Variants in ARHGAP44 observed in about 807,000 individuals in gnomAD.
ARHGAP44 encodes Rho GTPase activating protein 44.
A neutral mutation model predicts 106.8 loss-of-function variants in ARHGAP44; 43 were observed. The ratio of observed to expected loss-of-function variants is 0.40; its 90% confidence interval spans 0.32 to 0.52. The LOEUF (loss-of-function observed/expected upper bound fraction) is 0.52. Among genes scored for constraint, ARHGAP44 ranks in the 20% least tolerant of loss-of-function variants. The pLI, the probability that ARHGAP44 is intolerant of heterozygous loss-of-function variation, is 0.48. For missense variants in ARHGAP44, 866 were observed against 1,050.5 expected, an observed-to-expected ratio of 0.82 and a Z score of 2.43; for synonymous variants, 439 against 410.3, an observed-to-expected ratio of 1.07 and a Z score of -0.85.
chr17:12,983,954 A>G (rs1362669769), intron 19 of ARHGAP44, among the ~76,000 whole-genome samples: 2 of 152,224 alleles, frequency 1.3e-5, no homozygotes, highest in Admixed American at 6.5e-5. Context: ...GAGGCACAGC[A>G]TATAAAGTAA....
chr17:12,952,083 A>G (rs1450959419), intron 12 of ARHGAP44, among the ~76,000 whole-genome samples: 1 of 152,194 alleles, frequency 6.6e-6, no homozygotes. Flanking sequence ...GGACAGTGCA[A>G]GATAGCCGGA....
rs116294237 is a variant in ARHGAP44, at chr17:12,896,289, T to C, written c.94-118T>C. The C allele has an allele frequency of 2.9e-3, 2,220 of 762,108 alleles. 28 individuals are homozygous for C. In the African/African-American group the frequency reaches 0.034, roughly 12 times the overall value. 47.2% of individuals were successfully genotyped at this position (762,108 alleles called of 1,614,324 possible). On this transcript the variant is annotated intron_variant, in intron 2 of 20. Coordinates refer to ENST00000379672, the MANE Select transcript of ARHGAP44 (RefSeq NM_014859.6). ...AAACAAACAAACAAAAAAACAAAGCTGTCTCTCCAGGAGTCCTTGTCTCCA... is the reference window on the plus strand; with the variant it reads ...AAACAAACAAACAAAAAAACAAAGCCGTCTCTCCAGGAGTCCTTGTCTCCA...
chr17:12,915,340 A>C (rs1435633745), intron 4 of ARHGAP44, among the ~76,000 whole-genome samples: 1 of 152,252 alleles, frequency 6.6e-6, no homozygotes, highest in Non-Finnish European at 1.5e-5. Context: ...GGTAGAATTT[A>C]ACATCTTTGA....
At chr17:12,987,865 C>T (rs1373726029) in intron 20 of ARHGAP44, 1 of 152,202 alleles carries the variant, frequency 6.6e-6, no homozygotes, top group Non-Finnish European at 1.5e-5. Context: ...TGGTCTCCTC[C>T]TCCTATAAAG....
At chr17:12,838,575 CAG>C (rs1217711305) in intron 1 of ARHGAP44, among the ~76,000 whole-genome samples, 15 of 152,106 alleles carry the variant, frequency 9.9e-5, no homozygotes, top group Admixed American at 2.0e-4. Flanking sequence ...TGGAGGGAAT[CAG>C]GGGTGACGTT....
intron 18 of ARHGAP44, among the ~76,000 whole-genome samples, chr17:12,976,927 A>T (rs972792639): frequency 6.6e-6 from 1 of 152,142 alleles, no homozygotes; most frequent in African/African-American, 2.4e-5. Flanking sequence ...TCCTTTTTGG[A>T]CACTCCTCAG....
chr17:12,896,271 CAAACAA>C (rs953619508), intron 2 of ARHGAP44, 130 bp from the exon 3 acceptor site: 18 of 681,098 alleles, frequency 2.6e-5, no homozygotes, highest in African/African-American at 6.0e-5. Context: ...AAAAAACAAA[CAAACAA>C]AAAAACAAAG....
At chr17:12,800,840 C>T (rs374211153) in intron 1 of ARHGAP44, among the ~76,000 whole-genome samples, 16 of 152,216 alleles carry the variant, frequency 1.1e-4, no homozygotes, top group African/African-American at 3.8e-4. Flanking sequence ...CTGCTTCTCT[C>T]CCCCTAATCT....
intron 3 of ARHGAP44, among the ~76,000 whole-genome samples, chr17:12,900,042 G>C (rs969688029): frequency 6.6e-6 from 1 of 152,122 alleles, no homozygotes; most frequent in Non-Finnish European, 1.5e-5. Flanking sequence ...ATTGTCTTGT[G>C]GGTACTGAGT....
rs578029851 is a variant in ARHGAP44 at position 12,818,188 on chromosome 17, A to T, written c.53+28297A>T. On this transcript the variant is annotated intron_variant, in intron 1 of 20. Transcript: ENST00000379672. ...CCCAGTAATGTATGGTTGGGCCAAC[A>T]TTCACAAATCACTGTAATTTCTCAT... Among the ~76,000 whole-genome samples, 196 of 152,146 alleles carry T rather than the reference A, an allele frequency of 1.3e-3. 2 individuals carry two copies. Among genetic ancestry groups the T allele is most frequent in the Non-Finnish European group, 3.4e-4 (23 of 67,876 alleles).
At chr17:12,888,495 G>C (rs1015885771) in intron 1 of ARHGAP44, among the ~76,000 whole-genome samples, 1 of 152,060 alleles carries the variant, frequency 6.6e-6, no homozygotes, top group African/African-American at 2.4e-5. Flanking sequence ...GGTTTGTTTT[G>C]TAGTTCCAGA....
intron 1 of ARHGAP44, among the ~76,000 whole-genome samples, chr17:12,828,535 C>T (rs546014128): frequency 8.6e-5 from 13 of 150,688 alleles, no homozygotes; most frequent in Admixed American, 8.0e-4. Flanking sequence ...ATTGAATCAT[C>T]TGGGCATTAC....
At chr17:12,974,023 G>T in intron 17 of ARHGAP44, 66 bp from the exon 18 acceptor site, 1 of 1,482,542 alleles carries the variant, frequency 6.7e-7, no homozygotes, top group Non-Finnish European at 9.2e-7. Context: ...TTGAATGTGG[G>T]GGAGGGAGCC....
Position 12,984,513 on chromosome 17 carries a change from TTG to T in ARHGAP44, c.1940-14_1940-13del. On this transcript the variant is annotated splice_polypyrimidine_tract_variant and intron_variant, in intron 19 of 20. Transcript: ENST00000379672. ...AACAACTTTGTGTTTTGTTGTTGTG[TTG>T]TGTTTTCTCTTTCAGTTTCAAAGAA... 1.3e-6 allele frequency: 2 copies of T among 1,508,924 alleles called. No homozygotes were observed. The highest frequency in any genetic ancestry group is 8.8e-7 in the Non-Finnish European group (1 of 1,134,306). The allele number at this position is 1,508,924 out of a possible 1,614,324, so 93.5% of individuals were successfully genotyped here. A position where few individuals can be genotyped will look rare whatever the true frequency, so the allele number is the denominator to read the frequency against.
intron 1 of ARHGAP44, among the ~76,000 whole-genome samples, chr17:12,845,517 A>AACAAAAC (rs1555546593): frequency 7.0e-6 from 1 of 141,932 alleles, no homozygotes; most frequent in East Asian, 2.1e-4. Flanking sequence ...AAAAAAAAAA[A>AACAAAAC]AAAAACAAAA....
chr17:12,977,867 G>A (rs374737091), intron 18 of ARHGAP44, among the ~76,000 whole-genome samples: 2 of 151,860 alleles, frequency 1.3e-5, no homozygotes, highest in African/African-American at 4.8e-5. Flanking sequence ...GTGAAACCCC[G>A]TCTGTACTAT....
intron 1 of ARHGAP44, among the ~76,000 whole-genome samples, chr17:12,807,375 T>A (rs1035402444): frequency 3.3e-5 from 5 of 152,256 alleles, no homozygotes; most frequent in African/African-American, 1.2e-4. Context: ...GAGGATGTAT[T>A]TGTCTGTTCT....
Position 12,949,537 on chromosome 17 carries a change from TG to T in ARHGAP44, c.974-110del. On this transcript the variant is annotated intron_variant, in intron 11 of 20. Transcript: ENST00000379672. This position sits in a 1 kb window ranked among gnomAD's most constrained non-coding sequence, Gnocchi z 4.1. The stretch of plus-strand genomic sequence containing the variant: ...AGGAAGCTACCATTTGCTGTTGACA[TG>T]GTGGTCAGGAGGCCCATCCCCAGAT... The T allele has an allele frequency of 1.0e-6, 1 of 971,322 alleles. No individual in the cohort carries two copies. The highest frequency in any genetic ancestry group is 1.6e-6 in the Non-Finnish European group (1 of 638,786). 60.2% of individuals were successfully genotyped at this position (971,322 alleles called of 1,614,324 possible).
rs1031442760 is a variant in ARHGAP44 at position 12,958,454 on chromosome 17, A to G, written c.1343-263A>G. Among the ~76,000 whole-genome samples, 3 of 151,906 alleles carry G rather than the reference A, an allele frequency of 2.0e-5. No individual in the cohort carries two copies. Among genetic ancestry groups the G allele is most frequent in the Non-Finnish European group, 4.4e-5 (3 of 68,008 alleles). The stretch of plus-strand genomic sequence containing the variant: ...TTAGAAAGATGATTTCATATATTTC[A>G]GAAAGTATCCGTTCCTGTTTTTACA... On this transcript the variant is annotated intron_variant, in intron 15 of 20. Coordinates refer to ENST00000379672, the MANE Select transcript of ARHGAP44 (RefSeq NM_014859.6). The surrounding 1 kb of genome is among the most constrained non-coding windows in gnomAD (Gnocchi z 4.1).
Sources: gnomAD v4.1 joint callset for allele counts (sites outside exome capture counted in the v4.1 genomes callset) on GRCh38, gnomAD v4.1.1 for gene constraint, Gnocchi (gnomAD v3.1) non-coding constraint, MANE v1.5 for transcripts, NCBI Gene and HGNC (gene_info 2026-07-23, HGNC 2026-07-21) for gene names.